XKR6: variants seen among roughly 807,000 people sequenced by gnomAD.
The protein encoded by XKR6 is XK related 6.
In XKR6, 22 loss-of-function variants were observed where a neutral mutation model predicts 56.7. That is an observed-to-expected ratio of 0.39 (90% CI 0.28 to 0.55). The LOEUF is 0.55. Among genes scored for constraint, XKR6 ranks in the 20% least tolerant of loss-of-function variants. The probability of loss-of-function intolerance (pLI) is 0.66; values close to 1 mark genes in which losing one functional copy is unlikely to be tolerated. For missense variants in XKR6, 852 were observed against 889.0 expected, an observed-to-expected ratio of 0.96 and a Z score of 0.53; for synonymous variants, 524 against 387.8, an observed-to-expected ratio of 1.35 and a Z score of -4.13.
At chr8:11,130,613 T>G (rs1162879733) in intron 1 of XKR6, among the ~76,000 whole-genome samples, 1 of 139,294 alleles carries the variant, frequency 7.2e-6, no homozygotes, top group African/African-American at 2.6e-5. Context: ...CCCTCGCCGG[T>G]TTTTTTTTTT....
intron 1 of XKR6, among the ~76,000 whole-genome samples, chr8:11,142,715 T>C (rs542295903): frequency 6.6e-6 from 1 of 152,312 alleles, no homozygotes; most frequent in Non-Finnish European, 1.5e-5. Context: ...CCATGCTTCT[T>C]GTACAGCCTG....
chr8:11,139,323 G>A (rs1800564283), intron 1 of XKR6, among the ~76,000 whole-genome samples: 1 of 152,102 alleles, frequency 6.6e-6, no homozygotes, highest in Admixed American at 6.5e-5. Context: ...GAATCCTGTG[G>A]ACAGCAAGGC....
At chr8:11,088,341 A>G (rs1247152179) in intron 1 of XKR6, among the ~76,000 whole-genome samples, 1 of 152,272 alleles carries the variant, frequency 6.6e-6, no homozygotes, top group African/African-American at 2.4e-5. Flanking sequence ...ACAGTCAAGC[A>G]TAAAGCAAAC....
chr8:11,197,710 T>C (rs893810058), intron 1 of XKR6, among the ~76,000 whole-genome samples: 2 of 152,230 alleles, frequency 1.3e-5, no homozygotes, highest in African/African-American at 4.8e-5. Flanking sequence ...ACAACCATTC[T>C]TCCATGCTCC....
chr8:10,913,396 C>T (rs369001767), intron 2 of XKR6, among the ~76,000 whole-genome samples: 1 of 152,006 alleles, frequency 6.6e-6, no homozygotes, highest in African/African-American at 2.4e-5. Flanking sequence ...AGAGGTTAAC[C>T]GTTGCCTTGC....
chr8:10,998,653 G>A (rs1283080278), intron 1 of XKR6, among the ~76,000 whole-genome samples: 2 of 152,142 alleles, frequency 1.3e-5, no homozygotes, highest in African/African-American at 4.8e-5. Flanking sequence ...GAGCCCCAGG[G>A]GATTGGCTCT....
At chr8:10,974,856 C>T (rs147788935) in intron 1 of XKR6, among the ~76,000 whole-genome samples, 4 of 152,242 alleles carry the variant, frequency 2.6e-5, no homozygotes, top group South Asian at 2.1e-4. Context: ...AGATTTCAGC[C>T]GGGGAAGGTG....
At chr8:11,120,750 C>T (rs1799413440) in intron 1 of XKR6, among the ~76,000 whole-genome samples, 1 of 152,132 alleles carries the variant, frequency 6.6e-6, no homozygotes, top group South Asian at 2.1e-4. Context: ...GCAAAAAGAA[C>T]AAAGCTGGAG....
intron 1 of XKR6, chr8:11,123,644 G>T: frequency 6.0e-6 from 2 of 334,686 alleles, no homozygotes; most frequent in South Asian, 4.8e-5. Context: ...GCTATATAAA[G>T]TTTAAAATAC....
intron 2 of XKR6, among the ~76,000 whole-genome samples, chr8:10,911,096 C>T (rs984408731): frequency 1.3e-5 from 2 of 152,048 alleles, no homozygotes; most frequent in South Asian, 4.1e-4. Context: ...GCCATGTGGA[C>T]CTGGGCAAAT....
intron 1 of XKR6, among the ~76,000 whole-genome samples, chr8:11,140,831 G>C (rs917943341): frequency 6.7e-6 from 1 of 148,942 alleles, no homozygotes; most frequent in Non-Finnish European, 1.5e-5. Context: ...CCAGGAGGAA[G>C]AGCTTGTAGT....
At chr8:11,185,943 G>C (rs1308776382) in intron 1 of XKR6, among the ~76,000 whole-genome samples, 1 of 152,164 alleles carries the variant, frequency 6.6e-6, no homozygotes, top group Non-Finnish European at 1.5e-5. Context: ...CTGATCGATG[G>C]AAACAGGGCT....
intron 1 of XKR6, among the ~76,000 whole-genome samples, chr8:11,115,320 G>C (rs181668291): frequency 6.6e-6 from 1 of 152,208 alleles, no homozygotes; most frequent in Non-Finnish European, 1.5e-5. Flanking sequence ...AATGCCTCAG[G>C]CTATTTTGAA....
chr8:11,006,625 C>A (rs1374170779), intron 1 of XKR6, among the ~76,000 whole-genome samples: 1 of 152,126 alleles, frequency 6.6e-6, no homozygotes, highest in African/African-American at 2.4e-5. Context: ...GACATGCAGG[C>A]TGGGCCCAGG....
intron 1 of XKR6, among the ~76,000 whole-genome samples, chr8:11,048,604 T>C (rs781632513): frequency 6.6e-6 from 1 of 152,094 alleles, no homozygotes; most frequent in African/African-American, 2.4e-5. Context: ...CCCCCGAGGA[T>C]TCGGATGCAC....
chr8:10,923,015 GC>G (rs1800767624), intron 2 of XKR6, among the ~76,000 whole-genome samples: 2 of 152,238 alleles, frequency 1.3e-5, no homozygotes, highest in Non-Finnish European at 2.9e-5. Flanking sequence ...GCCACCTGGG[GC>G]CTCTTCCTGA....
chr8:11,195,765 CG>C (rs1403668688), intron 1 of XKR6, among the ~76,000 whole-genome samples: 2 of 151,686 alleles, frequency 1.3e-5, no homozygotes, highest in East Asian at 3.9e-4. Flanking sequence ...TCTCCTGCCT[CG>C]GCCTCCTGAG....
At chr8:11,081,436 C>T (rs979568220) in intron 1 of XKR6, among the ~76,000 whole-genome samples, 1 of 152,222 alleles carries the variant, frequency 6.6e-6, no homozygotes, top group Non-Finnish European at 1.5e-5. Flanking sequence ...CACGACAGTT[C>T]ATCACAAATA....
intron 1 of XKR6, among the ~76,000 whole-genome samples, chr8:11,059,792 T>A (rs1799785822): frequency 6.6e-6 from 1 of 151,544 alleles, no homozygotes; most frequent in Admixed American, 6.6e-5. Flanking sequence ...GCGACCCCGC[T>A]GGAGCGCGGT....
Sources: gnomAD v4.1 joint callset for allele counts (sites outside exome capture counted in the v4.1 genomes callset) on GRCh38, gnomAD v4.1.1 for gene constraint, MANE v1.5 for transcripts, NCBI Gene and HGNC (gene_info 2026-07-23, HGNC 2026-07-21) for gene names.